Variants in PTPRD observed in about 807,000 individuals in gnomAD.
PTPRD encodes protein tyrosine phosphatase receptor type D, also known as receptor-type tyrosine-protein phosphatase delta.
PTPRD carries 34 observed loss-of-function variants against 214.5 expected under a neutral mutation model. The observed-to-expected ratio is 0.16, with a 90% CI of 0.12 to 0.21. The LOEUF (loss-of-function observed/expected upper bound fraction) is 0.21, where lower values mean the gene tolerates loss of function less well. PTPRD is among the 10% of genes least tolerant of loss of function. PTPRD has a pLI of 1.00. For synonymous variants in PTPRD, 1,128 were observed against 845.7 expected (o/e 1.33, Z -5.79); for missense variants, 2,545 against 2,398.7 (o/e 1.06, Z -1.27).
At chr9:9,619,919 T>A (rs2095140605) in intron 7 of PTPRD, among the ~76,000 whole-genome samples, 1 of 150,874 alleles carries the variant, frequency 6.6e-6, no homozygotes, top group African/African-American at 2.4e-5. Flanking sequence ...GAAGTATATA[T>A]GTAATATAGA....
At chr9:10,155,219 G>A (rs565487273) in intron 3 of PTPRD, among the ~76,000 whole-genome samples, 11 of 152,064 alleles carry the variant, frequency 7.2e-5, no homozygotes, top group Non-Finnish European at 1.3e-4. Flanking sequence ...TTTTGAATGA[G>A]ATAGCATTCC....
intron 5 of PTPRD, among the ~76,000 whole-genome samples, chr9:9,804,945 T>A (rs916789145): frequency 3.3e-5 from 5 of 152,070 alleles, no homozygotes; most frequent in Non-Finnish European, 4.4e-5. Context: ...TGATCATGCA[T>A]AAAATATATT....
At chr9:10,384,822 T>A (rs1407921) in intron 2 of PTPRD, among the ~76,000 whole-genome samples, 126,493 of 151,270 alleles carry the variant, frequency 0.84, 52,995 homozygotes, top group East Asian at 0.89. Context: ...AATTAAAATA[T>A]ATTGCGAAGG....
intron 34 of PTPRD, among the ~76,000 whole-genome samples, chr9:8,448,996 A>G (rs2095840629): frequency 6.6e-6 from 1 of 152,182 alleles, no homozygotes; most frequent in Non-Finnish European, 1.5e-5. Context: ...ATAATTTGCC[A>G]TTCATTTGGT....
chr9:10,080,653 T>C (rs940215473), intron 3 of PTPRD, among the ~76,000 whole-genome samples: 1 of 152,122 alleles, frequency 6.6e-6, no homozygotes, highest in Non-Finnish European at 1.5e-5. Context: ...TATAAAATGC[T>C]AGATAAAATC....
intron 33 of PTPRD, among the ~76,000 whole-genome samples, chr9:8,460,001 G>A (rs1336242117): frequency 6.6e-6 from 1 of 152,076 alleles, no homozygotes; most frequent in African/African-American, 2.4e-5. Context: ...ATTATGATAT[G>A]TATACAAATT....
intron 4 of PTPRD, among the ~76,000 whole-genome samples, chr9:9,977,207 T>C (rs988085042): frequency 5.3e-5 from 8 of 152,284 alleles, no homozygotes; most frequent in African/African-American, 1.9e-4. Flanking sequence ...TCTGCTACTA[T>C]TTGTGACGTA....
intron 3 of PTPRD, among the ~76,000 whole-genome samples, chr9:10,056,529 T>G (rs1365998857): frequency 6.6e-6 from 1 of 152,106 alleles, no homozygotes; most frequent in African/African-American, 2.4e-5. Flanking sequence ...TGTTCTTTGT[T>G]TTTAAATCGC....
At chr9:8,411,317 A>T (rs911015439) in intron 35 of PTPRD, among the ~76,000 whole-genome samples, 2 of 151,408 alleles carry the variant, frequency 1.3e-5, no homozygotes, top group African/African-American at 2.4e-5. Flanking sequence ...TTTTATTTTT[A>T]TTTTTTTTGT....
intron 11 of PTPRD, among the ~76,000 whole-genome samples, chr9:8,838,471 C>T (rs10815968): frequency 0.12 from 18,659 of 152,036 alleles, 1,378 homozygotes; most frequent in East Asian, 0.27. Context: ...AATCAACTAA[C>T]ATACTTTTTA....
chr9:9,967,002 A>G (rs1455643438), intron 4 of PTPRD, among the ~76,000 whole-genome samples: 3 of 152,164 alleles, frequency 2.0e-5, no homozygotes, highest in Non-Finnish European at 1.5e-5. Context: ...TTTAGGGACT[A>G]CAGATCACAG....
chr9:9,052,007 A>G (rs753344154), intron 10 of PTPRD, among the ~76,000 whole-genome samples: 4 of 152,212 alleles, frequency 2.6e-5, no homozygotes, highest in Non-Finnish European at 5.9e-5. Context: ...TAACAAAAAT[A>G]CCATAGACTG....
Position 9,397,132 on chromosome 9 carries a change from A to C in PTPRD, c.-203+317T>G, listed in dbSNP as rs144501360. Among the ~76,000 whole-genome samples, 3 of 152,140 alleles carry C rather than the reference A, an allele frequency of 2.0e-5. No individual in the cohort carries two copies. In the East Asian group the frequency reaches 5.8e-4, roughly 30 times the overall value. The stretch of plus-strand genomic sequence containing the variant: ...ATTCTGCTATCAATCTAAAAACTAT[A>C]AAGTATTTCTTGTAACTACTAAAAG... On this transcript the variant is annotated intron_variant, in intron 9 of 45. Transcript: ENST00000381196.
chr9:9,369,753 A>G (rs1309900300), intron 9 of PTPRD, among the ~76,000 whole-genome samples: 3 of 151,942 alleles, frequency 2.0e-5, no homozygotes, highest in Non-Finnish European at 4.4e-5. Flanking sequence ...GGTCTAACAC[A>G]TAAGTCTTTA....
chr9:8,952,909 A>C (rs939534620), intron 11 of PTPRD, among the ~76,000 whole-genome samples: 9 of 151,944 alleles, frequency 5.9e-5, no homozygotes, highest in Non-Finnish European at 5.9e-5. Flanking sequence ...AAGAAGAATC[A>C]ATTGATCTTT....
chr9:9,022,344 C>T (rs1384846449), intron 10 of PTPRD, among the ~76,000 whole-genome samples: 1 of 152,080 alleles, frequency 6.6e-6, no homozygotes, highest in Admixed American at 6.6e-5. Context: ...GAGCAACTTC[C>T]AGTCCTGAAA....
chr9:9,471,336 A>G (rs74657213), intron 8 of PTPRD, among the ~76,000 whole-genome samples: 4,354 of 152,274 alleles, frequency 0.029, 203 homozygotes, highest in African/African-American at 0.1. Context: ...TTATACTGTC[A>G]ACAGTGACAA....
chr9:8,508,891 CTGTGTGTGTGTG>C (rs59265464), intron 21 of PTPRD, among the ~76,000 whole-genome samples: 21 of 140,604 alleles, frequency 1.5e-4, no homozygotes, highest in African/African-American at 3.1e-4. Flanking sequence ...GTGTGTGTGT[CTGTGTGTGTGTG>C]TGTGTGTGTG....
At position 8,478,767 on chromosome 9, in the gene PTPRD, T is replaced by C. The variant is rs140976736; in HGVS notation, c.3413+5352A>G. 8.6e-3 allele frequency among the ~76,000 whole-genome samples: 1,314 copies of C among 152,316 alleles called. 10 individuals are homozygous for C. Among genetic ancestry groups the C allele is most frequent in the Middle Eastern group, 0.014 (4 of 294 alleles). On this transcript the variant is annotated intron_variant, in intron 30 of 45. Transcript: ENST00000381196. ...TTTCTGTGAGGGAACTCTCCTGATGTGGCACACAAAAAATACAACAACCAA... is the reference window on the plus strand; with the variant it reads ...TTTCTGTGAGGGAACTCTCCTGATGCGGCACACAAAAAATACAACAACCAA...
Sources: allele counts gnomAD v4.1 joint callset (sites outside exome capture counted in the v4.1 genomes callset), GRCh38; gene constraint gnomAD v4.1.1; transcripts MANE v1.5; gene names NCBI Gene and HGNC (gene_info 2026-07-23, HGNC 2026-07-21).